The following PCNX4 variants were observed in gnomAD, a reference collection of about 807,000 sequenced individuals.
PCNX4 encodes the protein pecanex-like protein 4.
In PCNX4, 103 loss-of-function variants were observed where a neutral mutation model predicts 107.2. The observed-to-expected ratio is 0.96, with a 90% CI of 0.82 to 1.13. The LOEUF (loss-of-function observed/expected upper bound fraction) is 1.13. PCNX4 is among the 50% of genes most tolerant of loss of function. The pLI is 0.00. For missense variants in PCNX4, 1,528 were observed against 1,379.4 expected, an observed-to-expected ratio of 1.11 and a Z score of -1.71; for synonymous variants, 541 against 481.7, an observed-to-expected ratio of 1.12 and a Z score of -1.61.
At chr14:60,106,971 T>G (rs977496034) in intron 1 of PCNX4, among the ~76,000 whole-genome samples, 5 of 152,200 alleles carry the variant, frequency 3.3e-5, no homozygotes, top group African/African-American at 4.8e-5. Flanking sequence ...CTAAATTGAT[T>G]TGAGTTGAAA....
In PCNX4 at chr14:60,108,028, C is replaced by T. The variant is rs369799642; in HGVS notation, c.390C>T (p.Leu130=). ...SCTGAETVKF[L]IPGKKYVANT... ...CTGGTGCTGAGACTGTCAAATTTCT[C>T]ATTCCTGGCAAGAAATATGTAGCCA... Residue 130 remains leucine (L), a synonymous_variant, in exon 2 of 11, where the codon CTC becomes CTT. Transcript: ENST00000406854. 3.3e-5 allele frequency: 54 copies of T among 1,612,858 alleles called. No homozygotes were observed. Among genetic ancestry groups the T allele is most frequent in the Admixed American group, 5.0e-5 (3 of 60,022 alleles).
At chr14:60,115,619 C>T in intron 4 of PCNX4, 100 bp from the exon 5 acceptor site, 1 of 1,343,192 alleles carries the variant, frequency 7.4e-7, no homozygotes, top group Non-Finnish European at 1.0e-6. Context: ...TAGTTCATCG[C>T]TTAAATGTGC....
rs1896446197 is a variant in PCNX4, at chr14:60,147,820, T to C, written c.*13599T>C. 6.6e-6 allele frequency: 1 copy of C among 152,232 alleles called. No homozygotes were observed. Among genetic ancestry groups the C allele is most frequent in the Non-Finnish European group, 1.5e-5 (1 of 68,066 alleles). 9.4% of individuals were successfully genotyped at this position (152,232 alleles called of 1,614,324 possible). On this transcript the variant is annotated 3_prime_UTR_variant, in exon 11 of 11. Transcript: ENST00000406854. ...TAGCCTAGCACCAGGCTGCATGCTC[T>C]GCCAGGAGGCTGTGCTTCCTCTGTA...
intron 1 of PCNX4, among the ~76,000 whole-genome samples, chr14:60,093,856 A>ATT (rs1480003609): frequency 6.6e-6 from 1 of 152,118 alleles, no homozygotes; most frequent in Non-Finnish European, 1.5e-5. Context: ...AATACTTATT[A>ATT]TTGTCTGCCA....
rs1270099206 is a variant in PCNX4, at chr14:60,142,864, T to C, written c.*8643T>C. 1 of 152,174 alleles carries C rather than the reference T, an allele frequency of 6.6e-6. No homozygotes were observed. The highest frequency in any genetic ancestry group is 1.9e-4 in the East Asian group (1 of 5,188). The allele number at this position is 152,174 out of a possible 1,614,324, so 9.4% of individuals were successfully genotyped here. A position where few individuals can be genotyped will look rare whatever the true frequency, so the allele number is the denominator to read the frequency against. On this transcript the variant is annotated 3_prime_UTR_variant, in exon 11 of 11. Coordinates refer to ENST00000406854, the MANE Select transcript of PCNX4 (RefSeq NM_001330177.2). This position sits in a 1 kb window ranked among gnomAD's most constrained non-coding sequence, Gnocchi z 4.7. The stretch of plus-strand genomic sequence containing the variant: ...CTGTAGTCCCAGCTACTTGGGAGGT[T>C]GAGGCAGGAGGATCGCTTGAACCCA...
chr14:60,135,162 T>A lies in PCNX4; in HGVS notation c.*941T>A, dbSNP rs570158186. 1 of 152,352 alleles carries A rather than the reference T, an allele frequency of 6.6e-6. No individual in the cohort carries two copies. The highest frequency in any genetic ancestry group is 2.1e-4 in the South Asian group (1 of 4,832). 9.4% of individuals were successfully genotyped at this position (152,352 alleles called of 1,614,324 possible). A position where few individuals can be genotyped will look rare whatever the true frequency, so the allele number is the denominator to read the frequency against. On this transcript the variant is annotated 3_prime_UTR_variant, in exon 11 of 11. Coordinates refer to ENST00000406854, the MANE Select transcript of PCNX4 (RefSeq NM_001330177.2). ...CATCAGTTGAGAGATCAGTTTCCTC[T>A]AATTCTTACTTAATTTCCAATGAAA...
chr14:60,124,932 A>G lies in PCNX4; in HGVS notation c.2761A>G (p.Met921Val). 1 of 1,613,862 alleles carries G rather than the reference A, an allele frequency of 6.2e-7. No individual in the cohort carries two copies. Among genetic ancestry groups the G allele is most frequent in the Non-Finnish European group, 8.5e-7 (1 of 1,179,780 alleles). The change falls in exon 9 of 11, where the codon ATG becomes GTG. Residue 921 changes from methionine (M) to valine (V), a missense_variant. Coordinates refer to ENST00000406854, the MANE Select transcript of PCNX4 (RefSeq NM_001330177.2). ...ACCCGCAGAGTGGAGGACTAGCTGTATGCCCAGTTCCAAAATGAAGGAGAT... is the reference window on the plus strand; with the variant it reads ...ACCCGCAGAGTGGAGGACTAGCTGTGTGCCCAGTTCCAAAATGAAGGAGAT... ...CLPAEWRTSCMPSSKMKEMSS... is the reference protein window; with the variant it reads ...CLPAEWRTSCVPSSKMKEMSS...
intron 8 of PCNX4, among the ~76,000 whole-genome samples, chr14:60,122,338 T>C (rs1895970824): frequency 6.6e-6 from 1 of 152,110 alleles, no homozygotes; most frequent in African/African-American, 2.4e-5. Flanking sequence ...TCATTTAGAG[T>C]AAAAGCCAGG....
In PCNX4 at chr14:60,124,859, T is replaced by C. The variant is rs1229441607; in HGVS notation, c.2688T>C (p.Tyr896=). Residue 896 remains tyrosine (Y), a synonymous_variant, in exon 9 of 11, where the codon TAT becomes TAC. Transcript: ENST00000406854. ...AAGGAAAACAAGAGGACATGCCATA[T>C]ATTCCTCTCATGGAGTTCAGTTGTT... The part of the protein sequence containing the change: ...VDKGKQEDMP[Y]IPLMEFSCSH... The C allele has an allele frequency of 1.9e-6, 3 of 1,613,818 alleles. No homozygotes were observed. The highest frequency in any genetic ancestry group is 8.5e-7 in the Non-Finnish European group (1 of 1,179,784).
At position 60,136,074 on chromosome 14, in the gene PCNX4, AATCTGGATCCC is replaced by A. The variant is rs1451681404; in HGVS notation, c.*1858_*1868del. ...TTTCATTTACTTGTCAAATCATTCC[AATCTGGATCCC>A]ATCTCCATGACTCTCCCAAATTAAA... On this transcript the variant is annotated 3_prime_UTR_variant, in exon 11 of 11. Transcript: ENST00000406854. 6.6e-6 allele frequency: 1 copy of A among 151,746 alleles called. No homozygotes were observed. The highest frequency in any genetic ancestry group is 2.4e-5 in the African/African-American group (1 of 41,212). The allele number at this position is 151,746 out of a possible 1,614,324, so 9.4% of individuals were successfully genotyped here.
At chr14:60,107,347 C>G (rs920386277) in intron 1 of PCNX4, among the ~76,000 whole-genome samples, 1 of 152,122 alleles carries the variant, frequency 6.6e-6, no homozygotes, top group African/African-American at 2.4e-5. Flanking sequence ...ACAGTACACT[C>G]CAGCTTGGGT....
chr14:60,106,353 T>C (rs1177724018), intron 1 of PCNX4, among the ~76,000 whole-genome samples: 1 of 152,176 alleles, frequency 6.6e-6, no homozygotes, highest in Non-Finnish European at 1.5e-5. Flanking sequence ...GTAAATGCTA[T>C]ATAAATAGCT....
At position 60,115,766 on chromosome 14, in the gene PCNX4, CA is replaced by C. The variant is rs1895834794; in HGVS notation, c.1407del (p.Leu471SerfsTer36). 6.2e-7 allele frequency: 1 copy of C among 1,613,438 alleles called. No individual in the cohort carries two copies. The highest frequency in any genetic ancestry group is 2.2e-5 in the East Asian group (1 of 44,846). On this transcript the variant is annotated frameshift_variant, in exon 5 of 11. Transcript: ENST00000406854. LOFTEE classifies it high-confidence loss of function. The stretch of plus-strand genomic sequence containing the variant: ...ATTTCTTTCATTGGACAGTTCCTTA[CA>C]AGGGCTCCACTCAGTGTCTGTCTGT... The part of the protein sequence containing the change: ...IAFLSLDSSL[Q>X]GLHSVSVCIG...
chr14:60,121,924 G>A (rs912570705), intron 8 of PCNX4, among the ~76,000 whole-genome samples: 1 of 152,042 alleles, frequency 6.6e-6, no homozygotes. Context: ...TTGTTTCATG[G>A]GTTACTTCTC....
At chr14:60,122,214 C>G (rs117544768) in intron 8 of PCNX4, among the ~76,000 whole-genome samples, 1,707 of 152,284 alleles carry the variant, frequency 0.011, 17 homozygotes, top group South Asian at 0.035. Context: ...CCTAATTGGT[C>G]ATCCTGCTTC....
rs79872325 is a variant in PCNX4 at position 60,096,521 on chromosome 14, C to T, written c.-54+4102C>T. 7.1e-3 allele frequency among the ~76,000 whole-genome samples: 1,082 copies of T among 152,304 alleles called. 9 individuals are homozygous for T. Among genetic ancestry groups the T allele is most frequent in the African/African-American group, 0.024 (1,014 of 41,562 alleles). ...CTGGTTTTGGCAGGTCTGAATTACT[C>T]GTCCTTGTGCCCAGGCATAACATAG... On this transcript the variant is annotated intron_variant, in intron 1 of 10. Coordinates refer to ENST00000406854, the MANE Select transcript of PCNX4 (RefSeq NM_001330177.2).
At chr14:60,118,787 A>G in intron 7 of PCNX4, 95 bp downstream of exon 7, 1 of 1,343,182 alleles carries the variant, frequency 7.4e-7, no homozygotes, top group Non-Finnish European at 9.8e-7. Context: ...TCCAACCATA[A>G]GATAGCATAA....
chr14:60,119,767 T>G (rs1309552854), intron 7 of PCNX4, among the ~76,000 whole-genome samples: 1 of 152,142 alleles, frequency 6.6e-6, no homozygotes, highest in Non-Finnish European at 1.5e-5. Context: ...AAGAATTGCG[T>G]TATAAAGTAT....
chr14:60,099,403 C>G (rs1174231876), intron 1 of PCNX4, among the ~76,000 whole-genome samples: 1 of 152,128 alleles, frequency 6.6e-6, no homozygotes, highest in African/African-American at 2.4e-5. Flanking sequence ...TTTAAACAAG[C>G]AGAAATTAGT....
Sources: allele counts gnomAD v4.1 joint callset (sites outside exome capture counted in the v4.1 genomes callset), GRCh38; gene constraint gnomAD v4.1.1; non-coding constraint Gnocchi (gnomAD v3.1); transcripts MANE v1.5; gene names NCBI Gene and HGNC (gene_info 2026-07-23, HGNC 2026-07-21).